RINT1: variants seen among roughly 807,000 people sequenced by gnomAD.
The protein encoded by RINT1 is RAD50-interacting protein 1.
RINT1 carries 75 observed loss-of-function variants against 97.7 expected under a neutral mutation model. The observed-to-expected ratio is 0.77, with a 90% CI of 0.64 to 0.93. The LOEUF (loss-of-function observed/expected upper bound fraction) is 0.93, where lower values mean the gene tolerates loss of function less well. Ranked by LOEUF, RINT1 falls within the 40% of genes least tolerant of loss-of-function variation. The probability of loss-of-function intolerance (pLI) is 0.00; values close to 1 mark genes in which losing one functional copy is unlikely to be tolerated. For missense variants in RINT1, 892 were observed against 925.2 expected (o/e 0.96, Z 0.47); for synonymous variants, 303 against 326.3 (o/e 0.93, Z 0.77).
intron 3 of RINT1, among the ~76,000 whole-genome samples, chr7:105,537,339 A>G (rs189846905): frequency 5.5e-4 from 83 of 151,846 alleles, no homozygotes; most frequent in Middle Eastern, 3.4e-3. Context: ...CATGTTGGCA[A>G]GGCTGGTCTT....
In RINT1 at chr7:105,542,449, T is replaced by C; in HGVS notation, c.315T>C (p.Ser105=). ...CAGAAATTCCTAAAAGAATTCGAAG[T>C]GCCTTAAAAAATGCAGAAGAATCAA... ...ISSEIPKRIR[S]ALKNAEESKQ... The change falls in exon 4 of 15, where the codon AGT becomes AGC. Residue 105 remains serine (S), a synonymous_variant. Coordinates refer to ENST00000257700, the MANE Select transcript of RINT1 (RefSeq NM_021930.6). 1 of 1,612,432 alleles carries C rather than the reference T, an allele frequency of 6.2e-7. No individual in the cohort carries two copies. Among genetic ancestry groups the C allele is most frequent in the Non-Finnish European group, 8.5e-7 (1 of 1,178,646 alleles).
chr7:105,541,703 G>A (rs1312669331), intron 3 of RINT1: 1 of 152,104 alleles, frequency 6.6e-6, no homozygotes, highest in Non-Finnish European at 1.5e-5. Flanking sequence ...TTGACCCCGG[G>A]AGGTGGAGGT....
At chr7:105,534,321 G>A (rs1485567018) in intron 2 of RINT1, among the ~76,000 whole-genome samples, 5 of 151,890 alleles carry the variant, frequency 3.3e-5, no homozygotes, top group Non-Finnish European at 5.9e-5. Context: ...CACCGTCCTC[G>A]GCCTTCCAAA....
chr7:105,552,319 A>C (rs1790962749), intron 10 of RINT1, among the ~76,000 whole-genome samples: 1 of 152,218 alleles, frequency 6.6e-6, no homozygotes, highest in African/African-American at 2.4e-5. Context: ...TCTTCAGTAA[A>C]TGGTGATTGG....
chr7:105,554,426 CA>C (rs1482318268), intron 10 of RINT1, among the ~76,000 whole-genome samples: 2 of 148,372 alleles, frequency 1.3e-5, no homozygotes, highest in Non-Finnish European at 3.0e-5. Context: ...AAGAAACTGT[CA>C]TTTTTTTTTC....
chr7:105,567,399 T>A lies in RINT1; in HGVS notation c.*88T>A. 1.1e-6 allele frequency: 1 copy of A among 913,182 alleles called. No individual in the cohort carries two copies. The highest frequency in any genetic ancestry group is 1.7e-6 in the Non-Finnish European group (1 of 582,436). The allele number at this position is 913,182 out of a possible 1,614,324, so 56.6% of individuals were successfully genotyped here. On this transcript the variant is annotated 3_prime_UTR_variant, in exon 15 of 15. Transcript: ENST00000257700. The stretch of plus-strand genomic sequence containing the variant: ...CAAGTTATATGATGAAATTCTGAAT[T>A]AATGAAACTGGAAAACTTTATAGAA...
chr7:105,532,784 T>A, intron 1 of RINT1, 40 bp from the exon 2 acceptor site: 1 of 1,611,372 alleles, frequency 6.2e-7, no homozygotes, highest in South Asian at 1.1e-5. Context: ...CATCCACGAC[T>A]TTAATCTTAA....
intron 11 of RINT1, among the ~76,000 whole-genome samples, chr7:105,563,181 A>C (rs73192145): frequency 0.14 from 20,687 of 152,208 alleles, 1,819 homozygotes; most frequent in South Asian, 0.24. Context: ...GTATGATTTC[A>C]TTTATATGAA....
chr7:105,550,487 G>T lies in RINT1; in HGVS notation c.1333+1G>T, dbSNP rs375350359. 1.2e-6 allele frequency: 2 copies of T among 1,606,532 alleles called. No homozygotes were observed. The highest frequency in any genetic ancestry group is 1.1e-5 in the South Asian group (1 of 90,934). The stretch of plus-strand genomic sequence containing the variant: ...AGATGGTTGACGGTGGAGAGAAAAT[G>T]TAAGTGCTGATGTGGCCAGATGGTA... On this transcript the variant is annotated splice_donor_variant, in intron 9 of 14. Transcript: ENST00000257700. LOFTEE classifies it high-confidence loss of function.
At position 105,551,655 on chromosome 7, in the gene RINT1, G is replaced by T. The variant is rs1347113517; in HGVS notation, c.1419G>T (p.Met473Ile). ...AGGATATCACTGACGTGGATGAAATGAAAGTTCCAGATTGTGCAGAAACTT... is the reference window on the plus strand; with the variant it reads ...AGGATATCACTGACGTGGATGAAATTAAAGTTCCAGATTGTGCAGAAACTT... ...QYKDITDVDE[M>I]KVPDCAETFM... Residue 473 changes from methionine to isoleucine, a missense_variant, in exon 10 of 15, where the codon ATG (methionine) becomes ATT (isoleucine). Physicochemically the swap from Met to Ile is conservative, Grantham distance 10 (BLOSUM62 1). Coordinates refer to ENST00000257700, the MANE Select transcript of RINT1 (RefSeq NM_021930.6). 7 of 1,612,550 alleles carry T rather than the reference G, an allele frequency of 4.3e-6. No homozygotes were observed. In the Admixed American group the frequency reaches 5.0e-5, roughly 12 times the overall value.
intron 2 of RINT1, among the ~76,000 whole-genome samples, chr7:105,533,678 G>T (rs1790120300): frequency 6.6e-6 from 1 of 152,202 alleles, no homozygotes; most frequent in Non-Finnish European, 1.5e-5. Context: ...ATCTGCCTCA[G>T]AAAGAAGGCT....
rs748605930 is a variant in RINT1 at position 105,536,682 on chromosome 7, A to G, written c.206A>G (p.Lys69Arg). The change falls in exon 3 of 15, where the codon AAA becomes AGA. Residue 69 changes from lysine to arginine, a missense_variant. Transcript: ENST00000257700. ...FIEKEVGNDL[K>R]SLKKLDKLIE... ...GAAAAGGAAGTTGGAAATGACCTTA[A>G]ATCTTTAAAGAAACTTGATAAACTC... 1.1e-5 allele frequency: 18 copies of G among 1,612,956 alleles called. No homozygotes were observed. The highest frequency in any genetic ancestry group is 8.5e-6 in the Non-Finnish European group (10 of 1,179,482).
intron 9 of RINT1, among the ~76,000 whole-genome samples, 180 bp from the exon 10 acceptor site, chr7:105,551,390 G>T (rs1790918539): frequency 6.6e-6 from 1 of 152,102 alleles, no homozygotes; most frequent in African/African-American, 2.4e-5. Context: ...CAGAATTTGG[G>T]GATGGGAGTA....
chr7:105,535,923 T>C (rs1790211822), intron 2 of RINT1, among the ~76,000 whole-genome samples: 1 of 152,250 alleles, frequency 6.6e-6, no homozygotes, highest in African/African-American at 2.4e-5. Context: ...TGAAAAGGTA[T>C]TATTCCTTGT....
At position 105,542,585 on chromosome 7, in the gene RINT1, C is replaced by G. The variant is rs754311490; in HGVS notation, c.451C>G (p.Gln151Glu). The G allele has an allele frequency of 1.2e-6, 2 of 1,614,090 alleles. No homozygotes were observed. Among genetic ancestry groups the G allele is most frequent in the Admixed American group, 1.7e-5 (1 of 59,996 alleles). Residue 151 changes from glutamine to glutamate, a missense_variant, in exon 4 of 15, where the codon CAG becomes GAG. Gln to Glu is a conservative substitution (Grantham distance 29). Coordinates refer to ENST00000257700, the MANE Select transcript of RINT1 (RefSeq NM_021930.6). ...WMDDLGTMISQIEEIERHLAY... is the reference protein window; with the variant it reads ...WMDDLGTMISEIEEIERHLAY... ...GGACGATCTTGGAACCATGATTAGCCAGATTGAAGAGATCGAACGTCATCT... is the reference window on the plus strand; with the variant it reads ...GGACGATCTTGGAACCATGATTAGCGAGATTGAAGAGATCGAACGTCATCT...
Position 105,565,270 on chromosome 7 carries a change from TTTCCAGATGG to T in RINT1, c.1887-4_1892del. The T allele has an allele frequency of 6.4e-7, 1 of 1,561,828 alleles. No homozygotes were observed. Among genetic ancestry groups the T allele is most frequent in the Non-Finnish European group, 8.7e-7 (1 of 1,155,478 alleles). On this transcript the variant is annotated splice_acceptor_variant and splice_polypyrimidine_tract_variant and coding_sequence_variant and intron_variant, in exon 13 of 15. Transcript: ENST00000257700. LOFTEE classifies it high-confidence loss of function. Reference sequence around the variant, plus strand: ...AAAATTTTTTGGTAAAAATGTGTTTTTTCCAGATGGTTGTCCTTGCCATCTCAGTCAGAGC... The same window carrying T: ...AAAATTTTTTGGTAAAAATGTGTTTTTTGTCCTTGCCATCTCAGTCAGAGC...
rs747465384 is a variant in RINT1, at chr7:105,548,580, A to G, written c.866A>G (p.Gln289Arg). The change falls in exon 7 of 15, where the codon CAA becomes CGA. Residue 289 changes from glutamine to arginine, a missense_variant. Coordinates refer to ENST00000257700, the MANE Select transcript of RINT1 (RefSeq NM_021930.6). ...TSDELLTEPK[Q>R]LPEKYSLPAS... ...GATGAATTACTTACTGAGCCAAAGC[A>G]ACTCCCAGAAAAATACTCTCTTCCT... is the stretch of plus-strand genomic sequence containing the variant. The G allele has an allele frequency of 1.9e-6, 3 of 1,614,166 alleles. No homozygotes were observed. Among genetic ancestry groups the G allele is most frequent in the Non-Finnish European group, 2.5e-6 (3 of 1,180,024 alleles).
At chr7:105,553,887 ATTTTTTTTTTT>A (rs776924728) in intron 10 of RINT1, among the ~76,000 whole-genome samples, 4 of 71,122 alleles carry the variant, frequency 5.6e-5, no homozygotes, top group Admixed American at 1.7e-4. Context: ...TACCCAGCTA[ATTTTTTTTTTT>A]TTTTTTTTTT....
At chr7:105,542,275 C>A in intron 3 of RINT1, 133 bp from the exon 4 acceptor site, 1 of 656,848 alleles carries the variant, frequency 1.5e-6, no homozygotes, top group African/African-American at 1.8e-5. Context: ...GTCCAGGCTG[C>A]AGTGAGCTAT....
Sources: allele counts gnomAD v4.1 joint callset (sites outside exome capture counted in the v4.1 genomes callset), GRCh38; gene constraint gnomAD v4.1.1; transcripts MANE v1.5; gene names NCBI Gene and HGNC (gene_info 2026-07-23, HGNC 2026-07-21).